The following KIF14 variants were observed in gnomAD, a reference collection of about 807,000 sequenced individuals.
KIF14 encodes kinesin-like protein KIF14.
A neutral mutation model predicts 176.2 loss-of-function variants in KIF14; 98 were observed. The observed-to-expected ratio is 0.56, with a 90% CI of 0.47 to 0.66. The LOEUF is 0.66. Among genes scored for constraint, KIF14 ranks in the 30% least tolerant of loss-of-function variants. The pLI is 0.00. For synonymous variants in KIF14, 566 were observed against 632.2 expected, an observed-to-expected ratio of 0.90 and a Z score of 1.57; for missense variants, 1,751 against 1,920.4, an observed-to-expected ratio of 0.91 and a Z score of 1.65.
chr1:200,570,038 C>T, intron 22 of KIF14, 33 bp from the exon 23 acceptor site: 1 of 1,014,500 alleles, frequency 9.9e-7, no homozygotes, highest in Non-Finnish European at 1.5e-6. Flanking sequence ...ATTAGCAGTT[C>T]TATACCACAT....
In KIF14 at chr1:200,581,070, C is replaced by T. The variant is rs181538094; in HGVS notation, c.3335+131G>A. 2.9e-4 allele frequency: 126 copies of T among 435,638 alleles called. 1 individual carries two copies. The Middle Eastern group carries it at 4.0e-3, about 14-fold the overall frequency. The allele number at this position is 435,638 out of a possible 1,614,324, so 27.0% of individuals were successfully genotyped here. On this transcript the variant is annotated intron_variant, in intron 20 of 29. Transcript: ENST00000367350. Reference sequence around the variant, plus strand: ...TGGAGGTTGCAGTGAGCCCAGATTGCGCCACTGCACTCCAGCCTGGGCAAC... The same window carrying T: ...TGGAGGTTGCAGTGAGCCCAGATTGTGCCACTGCACTCCAGCCTGGGCAAC...
chr1:200,598,100 G>A (rs1311895253), intron 14 of KIF14, 137 bp downstream of exon 14: 5 of 702,092 alleles, frequency 7.1e-6, no homozygotes, highest in Admixed American at 3.1e-5. Flanking sequence ...CAGAATGTAT[G>A]TTTTTCCTGA....
At chr1:200,576,752 T>C (rs1381120965) in intron 21 of KIF14, among the ~76,000 whole-genome samples, 1 of 152,222 alleles carries the variant, frequency 6.6e-6, no homozygotes, top group Non-Finnish European at 1.5e-5. Context: ...TTTTGGATTT[T>C]CTATTATGAA....
chr1:200,574,974 G>A (rs893854575), intron 22 of KIF14, among the ~76,000 whole-genome samples: 4 of 117,868 alleles, frequency 3.4e-5, no homozygotes, highest in Non-Finnish European at 6.5e-5. Context: ...ACGGAATCTC[G>A]CTCTGTCGCC....
At chr1:200,555,771 T>C (rs940192662) in intron 27 of KIF14, among the ~76,000 whole-genome samples, 1 of 152,140 alleles carries the variant, frequency 6.6e-6, no homozygotes, top group Admixed American at 6.5e-5. Flanking sequence ...TTTAAACACA[T>C]TGATCATATA....
At position 200,615,344 on chromosome 1, in the gene KIF14, A is replaced by G. The variant is rs1357444228; in HGVS notation, c.1367+11T>C. 2 of 1,604,584 alleles carry G rather than the reference A, an allele frequency of 1.2e-6. No individual in the cohort carries two copies. Among genetic ancestry groups the G allele is most frequent in the Non-Finnish European group, 8.5e-7 (1 of 1,175,198 alleles). On this transcript the variant is annotated intron_variant, in intron 3 of 29. Transcript: ENST00000367350. ...ACACTTCTGGATAATTGCATTTCCA[A>G]TACAACTTACGTATATGATTTTCCA...
At chr1:200,568,755 C>A (rs1657606417) in intron 23 of KIF14, among the ~76,000 whole-genome samples, 1 of 152,044 alleles carries the variant, frequency 6.6e-6, no homozygotes, top group Non-Finnish European at 1.5e-5. Context: ...GTTTAGTTTG[C>A]CTGTCCTTAA....
intron 22 of KIF14, among the ~76,000 whole-genome samples, chr1:200,572,351 C>CT (rs952908808): frequency 3.1e-4 from 47 of 151,222 alleles, no homozygotes; most frequent in East Asian, 1.6e-3. Flanking sequence ...GGCTAAAAGT[C>CT]TTTTTTTTTA....
rs1282966258 is a variant in KIF14 at position 200,618,689 on chromosome 1, C to T, written c.35G>A (p.Ser12Asn). The change falls in exon 2 of 30, where the codon AGC becomes AAC. Residue 12 changes from serine to asparagine, a missense_variant. Physicochemically the swap from Ser to Asn is conservative, Grantham distance 46. Coordinates refer to ENST00000367350, the MANE Select transcript of KIF14 (RefSeq NM_014875.3). ...AGAAGGAATATCAAGAATATCACCGCTGTTATTTCTATTATGAGTACTGTG... is the reference window on the plus strand; with the variant it reads ...AGAAGGAATATCAAGAATATCACCGTTGTTATTTCTATTATGAGTACTGTG... The part of the protein sequence containing the change: ...SLHSTHNRNN[S>N]GDILDIPSSQ... The T allele has an allele frequency of 2.5e-6, 4 of 1,611,072 alleles. No homozygotes were observed. The highest frequency in any genetic ancestry group is 3.4e-6 in the Non-Finnish European group (4 of 1,179,456).
rs1656650680 is a variant in KIF14 at position 200,553,381 on chromosome 1, TCAGTATTCACACC to T, written c.4941_*6del. 6.3e-7 allele frequency: 1 copy of T among 1,576,468 alleles called. No homozygotes were observed. The highest frequency in any genetic ancestry group is 1.4e-5 in the African/African-American group (1 of 73,114). ...GGGTGGTCATAAAAGTGCCTACACA[TCAGTATTCACACC>T]CACTGAATCCTACTGGGTGTGCATT... is the stretch of plus-strand genomic sequence containing the variant. On this transcript the variant is annotated stop_lost and 3_prime_UTR_variant, in exon 30 of 30. Coordinates refer to ENST00000367350, the MANE Select transcript of KIF14 (RefSeq NM_014875.3).
rs367814093 is a variant in KIF14, at chr1:200,617,849, C to A, written c.875G>T (p.Ser292Ile). 6 of 1,614,054 alleles carry A rather than the reference C, an allele frequency of 3.7e-6. No individual in the cohort carries two copies. The highest frequency in any genetic ancestry group is 5.1e-6 in the Non-Finnish European group (6 of 1,180,034). ...TTEHKLTTKC[S>I]LPQLKSPAPS... ...AGCTGGGCTCTTAAGCTGAGGCAGG[C>A]TGCACTTTGTTGTCAGTTTGTGTTC... Residue 292 changes from serine (S) to isoleucine (I), a missense_variant, in exon 2 of 30, where the codon AGC (serine) becomes ATC (isoleucine). Ser to Ile is a moderately radical substitution (Grantham distance 142). Transcript: ENST00000367350.
rs749062355 is a variant in KIF14 at position 200,606,774 on chromosome 1, A to C, written c.1579T>G (p.Tyr527Asp). ...GACAGTGCTTCAACATATGGTCCATAAACAGGATGTTCCCTCACTCTCAGC... is the reference window on the plus strand; with the variant it reads ...GACAGTGCTTCAACATATGGTCCATCAACAGGATGTTCCCTCACTCTCAGC... ...QPLRVREHPVYGPYVEALSMN... is the reference protein window; with the variant it reads ...QPLRVREHPVDGPYVEALSMN... Residue 527 changes from tyrosine to aspartate, a missense_variant, in exon 6 of 30, where the codon TAT becomes GAT. Coordinates refer to ENST00000367350, the MANE Select transcript of KIF14 (RefSeq NM_014875.3). The C allele has an allele frequency of 6.2e-7, 1 of 1,613,608 alleles. No individual in the cohort carries two copies.
Position 200,560,841 on chromosome 1 carries a change from G to A in KIF14, c.4111C>T (p.Gln1371Ter). Reference sequence around the variant, plus strand: ...TGTACAATTTGGATTGCATTCTTTTGAGCCTCTTTTATCATTGATGAAATA... The same window carrying A: ...TGTACAATTTGGATTGCATTCTTTTAAGCCTCTTTTATCATTGATGAAATA... ...LDISSMIKEAQKNAIQIVQQA... is the reference protein window; with the variant it reads ...LDISSMIKEA The change falls in exon 26 of 30, where the codon CAA becomes TAA. Residue 1371 changes from glutamine (Q) to a stop codon, truncating the protein, a stop_gained. Coordinates refer to ENST00000367350, the MANE Select transcript of KIF14 (RefSeq NM_014875.3). LOFTEE classifies it high-confidence loss of function. 1 of 1,613,958 alleles carries A rather than the reference G, an allele frequency of 6.2e-7. No individual in the cohort carries two copies. Among genetic ancestry groups the A allele is most frequent in the Non-Finnish European group, 8.5e-7 (1 of 1,179,882 alleles).
At chr1:200,586,372 T>G (rs1192097988) in intron 18 of KIF14, 145 bp from the exon 19 acceptor site, 1 of 559,690 alleles carries the variant, frequency 1.8e-6, no homozygotes, top group Non-Finnish European at 2.9e-6. Context: ...ATTGTATAAC[T>G]TAAATATACA....
chr1:200,618,112 A>C lies in KIF14; in HGVS notation c.612T>G (p.Ser204Arg), dbSNP rs1195478420. The C allele has an allele frequency of 1.2e-6, 2 of 1,614,144 alleles. No individual in the cohort carries two copies. Among genetic ancestry groups the C allele is most frequent in the East Asian group, 4.5e-5 (2 of 44,880 alleles). ...KKYKETFSAP[S>R]RANENVALKY... ...TAAGTGCAACATTTTCATTTGCTCT[A>C]CTGGGGGCAGAAAATGTTTCTTTGT... The change falls in exon 2 of 30, where the codon AGT becomes AGG. Residue 204 changes from serine (S) to arginine (R), a missense_variant. Ser to Arg is a moderately radical substitution (Grantham distance 110). Transcript: ENST00000367350.
In KIF14 at chr1:200,618,548, T is replaced by A. The variant is rs554964496; in HGVS notation, c.176A>T (p.Lys59Ile). ...NDDPLLRSAG[K>I]VRDINRTYVI... Reference sequence around the variant, plus strand: ...ATAAGTTCTATTTATGTCTCTGACTTTACCTGCAGATCTCAATAATGGATC... The same window carrying A: ...ATAAGTTCTATTTATGTCTCTGACTATACCTGCAGATCTCAATAATGGATC... Residue 59 changes from lysine (K) to isoleucine (I), a missense_variant, in exon 2 of 30, where the codon AAA becomes ATA. By Grantham distance (102) the Lys-to-Ile change is moderately radical. Transcript: ENST00000367350. 1 of 1,614,192 alleles carries A rather than the reference T, an allele frequency of 6.2e-7. No homozygotes were observed. The highest frequency in any genetic ancestry group is 1.3e-5 in the African/African-American group (1 of 75,068).
At chr1:200,554,643 A>T in intron 28 of KIF14, 37 bp from the exon 29 acceptor site, 1 of 1,098,992 alleles carries the variant, frequency 9.1e-7, no homozygotes, top group South Asian at 1.5e-5. Flanking sequence ...ATAATACATT[A>T]ACAGGCTCAA....
At chr1:200,589,393 T>A in intron 17 of KIF14, 24 bp from the exon 18 acceptor site, 1 of 1,570,718 alleles carries the variant, frequency 6.4e-7, no homozygotes, top group East Asian at 2.3e-5. Flanking sequence ...TAATAAAAAA[T>A]ATCTCAGGCA....
chr1:200,605,303 G>A lies in KIF14; in HGVS notation c.1726C>T (p.Leu576=), dbSNP rs752120528. ...AATACCTTGGTCTGGGTCATCACCA[G>A]GGTGAAAACTGAATGAGATCGGGAA... ...KSSRSHSVFT[L]VMTQTKTEFV... is the part of the protein sequence containing the mutation. Residue 576 remains leucine, a synonymous_variant, in exon 8 of 30, where the codon CTG becomes TTG. Coordinates refer to ENST00000367350, the MANE Select transcript of KIF14 (RefSeq NM_014875.3). The A allele has an allele frequency of 1.2e-6, 2 of 1,612,570 alleles. No homozygotes were observed. Among genetic ancestry groups the A allele is most frequent in the South Asian group, 2.2e-5 (2 of 90,900 alleles).
Sources: gnomAD v4.1 joint callset for allele counts (sites outside exome capture counted in the v4.1 genomes callset) on GRCh38, gnomAD v4.1.1 for gene constraint, MANE v1.5 for transcripts, NCBI Gene and HGNC (gene_info 2026-07-23, HGNC 2026-07-21) for gene names.